Variants in GALNT13 observed in about 807,000 individuals in gnomAD.
GALNT13 encodes the protein polypeptide N-acetylgalactosaminyltransferase 13, also known as UDP-GalNAc:polypeptide N-acetylgalactosaminyltransferase 13.
GALNT13 carries 28 observed loss-of-function variants against 64.2 expected under a neutral mutation model. That is an observed-to-expected ratio of 0.44 (90% CI 0.32 to 0.60). The LOEUF is 0.60. GALNT13 is among the 20% of genes least tolerant of loss of function. GALNT13 has a pLI of 0.05. For synonymous variants in GALNT13, 214 were observed against 224.6 expected (o/e 0.95, Z 0.42); for missense variants, 577 against 669.8 (o/e 0.86, Z 1.53).
the GALNT13 span, among the ~76,000 whole-genome samples, chr2:153,843,008 G>T: frequency 2.0e-5 from 3 of 151,946 alleles, no homozygotes; most frequent in African/African-American, 7.3e-5. Context: ...TGAAAGAGAA[G>T]ATTTGTAAAC....
intron 4 of GALNT13, among the ~76,000 whole-genome samples, chr2:154,218,357 A>G (rs539374502): frequency 6.6e-6 from 1 of 152,182 alleles, no homozygotes; most frequent in African/African-American, 2.4e-5. Context: ...TGGCCTGTGA[A>G]CATTCTCCCA....
chr2:154,125,924 T>C (rs1682233782), intron 3 of GALNT13, among the ~76,000 whole-genome samples: 4 of 152,220 alleles, frequency 2.6e-5, no homozygotes, highest in Admixed American at 2.6e-4. Context: ...CCTCAGATTC[T>C]TTCTTACAAA....
the GALNT13 span, among the ~76,000 whole-genome samples, chr2:153,312,187 A>G: frequency 4.6e-5 from 7 of 152,300 alleles, no homozygotes; most frequent in South Asian, 1.5e-3. Context: ...TTGGCCCAAG[A>G]TCCTGACTTT....
the GALNT13 span, among the ~76,000 whole-genome samples, chr2:153,112,284 T>A: frequency 6.6e-6 from 1 of 152,154 alleles, no homozygotes; most frequent in Non-Finnish European, 1.5e-5. Context: ...AGGCAGTAAG[T>A]GCTCTACTCA....
At chr2:154,363,451 T>C (rs1697190881) in intron 9 of GALNT13, among the ~76,000 whole-genome samples, 1 of 152,162 alleles carries the variant, frequency 6.6e-6, no homozygotes, top group Non-Finnish European at 1.5e-5. Context: ...GTCATAGTTA[T>C]CTCCATCAAT....
the GALNT13 span, among the ~76,000 whole-genome samples, chr2:153,443,780 G>A: frequency 5.1e-4 from 78 of 152,174 alleles, no homozygotes; most frequent in African/African-American, 1.7e-3. Context: ...AAAATTAGCC[G>A]GGCGTGATGG....
the GALNT13 span, among the ~76,000 whole-genome samples, chr2:153,301,320 A>AAAAAAAAAAAAAAAAAAAAAG: frequency 7.9e-6 from 1 of 126,660 alleles, no homozygotes. Flanking sequence ...AAAAAAAAAG[A>AAAAAAAAAAAAAAAAAAAAAG]AAAAAAAAAA....
the GALNT13 span, among the ~76,000 whole-genome samples, chr2:153,863,687 GC>G: frequency 2.0e-5 from 3 of 152,164 alleles, no homozygotes; most frequent in Non-Finnish European, 4.4e-5. Context: ...TTATTCATAA[GC>G]TTTAATAAGC....
intron 4 of GALNT13, among the ~76,000 whole-genome samples, chr2:154,150,921 C>G (rs935634200): frequency 1.2e-4 from 19 of 152,112 alleles, no homozygotes; most frequent in Admixed American, 2.6e-4. Context: ...TTTTGTGTCT[C>G]TATTTCCTTC....
chr2:154,327,398 G>T (rs1694934949), intron 9 of GALNT13, among the ~76,000 whole-genome samples: 1 of 152,008 alleles, frequency 6.6e-6, no homozygotes, highest in African/African-American at 2.4e-5. Flanking sequence ...AGGTTAACTG[G>T]TAACACCTGT....
chr2:153,256,072 G>A, the GALNT13 span, among the ~76,000 whole-genome samples: 1 of 152,016 alleles, frequency 6.6e-6, no homozygotes, highest in African/African-American at 2.4e-5. Context: ...TTTCCAACTT[G>A]GTTCCATTCT....
At chr2:153,826,760 A>C in the GALNT13 span, among the ~76,000 whole-genome samples, 1 of 152,080 alleles carries the variant, frequency 6.6e-6, no homozygotes. Flanking sequence ...TGTTCAAGAG[A>C]GATACAGGGG....
the GALNT13 span, among the ~76,000 whole-genome samples, chr2:153,148,011 T>C: frequency 1.6e-4 from 25 of 151,904 alleles, no homozygotes; most frequent in African/African-American, 5.5e-4. Flanking sequence ...AAGAACTACA[T>C]CTAGTGGATA....
At chr2:153,988,069 T>TACACAC (rs201667115) in intron 3 of GALNT13, among the ~76,000 whole-genome samples, 4 of 143,414 alleles carry the variant, frequency 2.8e-5, no homozygotes, top group Non-Finnish European at 4.7e-5. Context: ...TATATATATA[T>TACACAC]ATATACACAC....
At chr2:153,852,450 T>C in the GALNT13 span, among the ~76,000 whole-genome samples, 1 of 152,210 alleles carries the variant, frequency 6.6e-6, no homozygotes, top group Non-Finnish European at 1.5e-5. Flanking sequence ...GGTTAATTCA[T>C]CTATAGGACG....
chr2:153,673,515 A>G, the GALNT13 span, among the ~76,000 whole-genome samples: 1 of 152,346 alleles, frequency 6.6e-6, no homozygotes, highest in African/African-American at 2.4e-5. Context: ...ACAGCCTTTC[A>G]TACTAAAAAC....
At chr2:153,147,485 C>T in the GALNT13 span, among the ~76,000 whole-genome samples, 1 of 150,538 alleles carries the variant, frequency 6.6e-6, no homozygotes, top group Non-Finnish European at 1.5e-5. Context: ...GGAGTATCGA[C>T]AATTTCTGGT....
chr2:153,850,072 C>T, the GALNT13 span, among the ~76,000 whole-genome samples: 96 of 149,666 alleles, frequency 6.4e-4, no homozygotes, highest in African/African-American at 2.2e-3. Flanking sequence ...CCAGCTACTC[C>T]GGAGGCTGAG....
At chr2:154,440,745 AG>A (rs1320642270) in intron 12 of GALNT13, among the ~76,000 whole-genome samples, 2 of 152,144 alleles carry the variant, frequency 1.3e-5, no homozygotes, top group Non-Finnish European at 2.9e-5. Context: ...GTCTAATGAC[AG>A]CACTTTGCCA....
Sources: allele counts gnomAD v4.1 joint callset (sites outside exome capture counted in the v4.1 genomes callset), GRCh38; gene constraint gnomAD v4.1.1; transcripts MANE v1.5; gene names NCBI Gene and HGNC (gene_info 2026-07-23, HGNC 2026-07-21).